Variants in KIAA0825 observed in about 807,000 individuals in gnomAD.
The protein encoded by KIAA0825 is KIAA0825, also known as uncharacterized protein KIAA0825.
In KIAA0825, 119 loss-of-function variants were observed where a neutral mutation model predicts 147.6. The observed-to-expected ratio is 0.81, with a 90% CI of 0.69 to 0.94. The LOEUF (loss-of-function observed/expected upper bound fraction) is 0.94, where lower values mean the gene tolerates loss of function less well. Among genes scored for constraint, KIAA0825 ranks in the 40% least tolerant of loss-of-function variants. The pLI is 0.00. For missense variants in KIAA0825, 1,381 were observed against 1,472.7 expected (o/e 0.94, Z 1.02); for synonymous variants, 470 against 518.1 (o/e 0.91, Z 1.26).
intron 1 of KIAA0825, among the ~76,000 whole-genome samples, chr5:94,583,282 G>A (rs1782581504): frequency 1.3e-5 from 2 of 152,186 alleles, no homozygotes; most frequent in African/African-American, 4.8e-5. Context: ...TGTACCTGAA[G>A]CAATAGTACA....
chr5:94,529,835 C>T (rs1342797315), intron 3 of KIAA0825, among the ~76,000 whole-genome samples: 1 of 152,102 alleles, frequency 6.6e-6, no homozygotes, highest in Non-Finnish European at 1.5e-5. Flanking sequence ...GCAATAAATA[C>T]CTAAGAATCA....
intron 20 of KIAA0825, among the ~76,000 whole-genome samples, chr5:94,272,300 C>T (rs1777030040): frequency 6.6e-6 from 1 of 151,376 alleles, no homozygotes; most frequent in South Asian, 2.1e-4. Context: ...TGACTACACT[C>T]AACAATAATT....
At chr5:94,381,374 G>C (rs115654133) in intron 20 of KIAA0825, among the ~76,000 whole-genome samples, 2 of 151,950 alleles carry the variant, frequency 1.3e-5, no homozygotes, top group East Asian at 1.9e-4. Context: ...AAAATATTTG[G>C]GAAAAAAAAT....
chr5:94,605,514 C>CA (rs912899513), intron 1 of KIAA0825, among the ~76,000 whole-genome samples: 14 of 152,014 alleles, frequency 9.2e-5, no homozygotes, highest in African/African-American at 2.7e-4. Context: ...CAAAAATCAT[C>CA]AAAAAAATAC....
chr5:94,580,056 G>C (rs1425207965), intron 2 of KIAA0825, among the ~76,000 whole-genome samples: 1 of 152,168 alleles, frequency 6.6e-6, no homozygotes, highest in African/African-American at 2.4e-5. Context: ...TGTAGGAAAA[G>C]TAGAGTTAGG....
intron 1 of KIAA0825, among the ~76,000 whole-genome samples, chr5:94,597,140 A>G (rs1323249899): frequency 6.6e-6 from 1 of 152,154 alleles, no homozygotes; most frequent in Non-Finnish European, 1.5e-5. Flanking sequence ...TAGAGATGGC[A>G]TCCTTTTCTT....
chr5:94,205,930 G>A (rs1055943007), intron 20 of KIAA0825, among the ~76,000 whole-genome samples: 1 of 152,132 alleles, frequency 6.6e-6, no homozygotes, highest in African/African-American at 2.4e-5. Flanking sequence ...TATAAAGGAT[G>A]CTTGCACTAT....
intron 20 of KIAA0825, among the ~76,000 whole-genome samples, chr5:94,332,744 C>T (rs1040876617): frequency 3.3e-5 from 5 of 152,148 alleles, no homozygotes; most frequent in Admixed American, 2.6e-4. Flanking sequence ...GGTATATACT[C>T]AGTAATGGGA....
intron 20 of KIAA0825, among the ~76,000 whole-genome samples, chr5:94,242,652 T>C (rs566978719): frequency 1.3e-5 from 2 of 151,938 alleles, no homozygotes; most frequent in African/African-American, 4.8e-5. Context: ...TTCCTTTTTC[T>C]TCTTGCTCTG....
chr5:94,574,543 CAAAAAAAA>C (rs1181241238), intron 2 of KIAA0825, among the ~76,000 whole-genome samples: 8 of 65,530 alleles, frequency 1.2e-4, no homozygotes, highest in Non-Finnish European at 2.1e-4. Context: ...GACTCCATCT[CAAAAAAAA>C]AAAAAAAAAA....
chr5:94,510,611 T>G (rs1766350107), intron 5 of KIAA0825, among the ~76,000 whole-genome samples: 1 of 152,222 alleles, frequency 6.6e-6, no homozygotes, highest in Non-Finnish European at 1.5e-5. Context: ...ATCAATGTTA[T>G]GAGTGTTTTG....
intron 20 of KIAA0825, among the ~76,000 whole-genome samples, chr5:94,305,825 TAGA>T (rs1778693849): frequency 6.6e-6 from 1 of 151,876 alleles, no homozygotes; most frequent in African/African-American, 2.4e-5. Context: ...AAGTTCCAAA[TAGA>T]AGGATCTGAA....
Position 94,408,293 on chromosome 5 carries a change from A to G in KIAA0825, c.2663-4500T>C, listed in dbSNP as rs545152196. Among the ~76,000 whole-genome samples the G allele has an allele frequency of 8.5e-4, 130 of 152,304 alleles. 2 individuals are homozygous for G. In the South Asian group the frequency reaches 0.026, roughly 30 times the overall value. On this transcript the variant is annotated intron_variant, in intron 15 of 20. Coordinates refer to ENST00000682413, the MANE Select transcript of KIAA0825 (RefSeq NM_001145678.3). Reference sequence around the variant, plus strand: ...CAGGACTGGGTGGGATTTCCAACATAGAGCTTTTGTGCAATCAGAGTGAAT... The same window carrying G: ...CAGGACTGGGTGGGATTTCCAACATGGAGCTTTTGTGCAATCAGAGTGAAT...
intron 15 of KIAA0825, 81 bp from the exon 16 acceptor site, chr5:94,403,874 A>T: frequency 8.5e-7 from 1 of 1,177,054 alleles, no homozygotes; most frequent in South Asian, 1.4e-5. Context: ...TCAGTTTTGT[A>T]ATCATCTAGT....
At chr5:94,386,444 C>T in intron 18 of KIAA0825, 40 bp from the exon 19 acceptor site, 1 of 1,483,106 alleles carries the variant, frequency 6.7e-7, no homozygotes, top group Non-Finnish European at 9.1e-7. Flanking sequence ...CGGTGAGAAG[C>T]AGACATTCTC....
intron 20 of KIAA0825, among the ~76,000 whole-genome samples, chr5:94,281,708 C>T (rs777078273): frequency 7.9e-5 from 12 of 152,072 alleles, no homozygotes; most frequent in Non-Finnish European, 1.5e-4. Flanking sequence ...GTTGTGACAA[C>T]GAAAACATTC....
At chr5:94,318,164 T>C (rs939035534) in intron 20 of KIAA0825, among the ~76,000 whole-genome samples, 8 of 151,752 alleles carry the variant, frequency 5.3e-5, no homozygotes, top group Non-Finnish European at 8.8e-5. Flanking sequence ...AAAAGCAATA[T>C]AGAATAGTTT....
At chr5:94,481,082 A>C (rs1006743286) in intron 6 of KIAA0825, among the ~76,000 whole-genome samples, 2 of 152,092 alleles carry the variant, frequency 1.3e-5, no homozygotes, top group African/African-American at 2.4e-5. Flanking sequence ...AAATCTATAC[A>C]CTTATTATCA....
At chr5:94,366,435 T>A (rs1465616212) in intron 20 of KIAA0825, among the ~76,000 whole-genome samples, 1 of 152,100 alleles carries the variant, frequency 6.6e-6, no homozygotes. Flanking sequence ...TTCTTCTCCT[T>A]GGTCCTCCTC....
Sources: gnomAD v4.1 joint callset for allele counts (sites outside exome capture counted in the v4.1 genomes callset) on GRCh38, gnomAD v4.1.1 for gene constraint, MANE v1.5 for transcripts, NCBI Gene and HGNC (gene_info 2026-07-23, HGNC 2026-07-21) for gene names.